CBFA2T2: variants seen among roughly 807,000 people sequenced by gnomAD.
The protein encoded by CBFA2T2 is CBFA2/RUNX1 partner transcriptional co-repressor 2.
Under a neutral mutation model 62.2 loss-of-function variants are expected in CBFA2T2, and 11 were observed. The ratio of observed to expected loss-of-function variants is 0.18; its 90% CI spans 0.11 to 0.29. The LOEUF (loss-of-function observed/expected upper bound fraction) is 0.29, where lower values mean the gene tolerates loss of function less well. Among genes scored for constraint, CBFA2T2 ranks in the 10% least tolerant of loss-of-function variants. CBFA2T2 has a pLI of 1.00. For synonymous variants in CBFA2T2, 295 were observed against 287.5 expected (o/e 1.03, Z -0.27); for missense variants, 592 against 774.1 (o/e 0.76, Z 2.79).
In CBFA2T2 at chr20:33,606,948, C is replaced by G; in HGVS notation, c.35-8C>G. ...AACCCTAACCTCCATTTCTCTGATT[C>G]TCTGCAGTTGGTCCTGAGAAAAGGG... On this transcript the variant is annotated splice_region_variant and splice_polypyrimidine_tract_variant and intron_variant, in intron 1 of 10. Transcript: ENST00000342704. 1.9e-6 allele frequency: 3 copies of G among 1,611,752 alleles called. No individual in the cohort carries two copies. The highest frequency in any genetic ancestry group is 2.5e-6 in the Non-Finnish European group (3 of 1,178,746).
At chr20:33,542,442 T>C (rs1000885617) in intron 1 of CBFA2T2, among the ~76,000 whole-genome samples, 16 of 152,154 alleles carry the variant, frequency 1.1e-4, no homozygotes, top group African/African-American at 3.6e-4. Flanking sequence ...GTTTTAAATT[T>C]TTTTTTATTA....
chr20:33,580,680 G>A (rs1357903490), intron 1 of CBFA2T2, among the ~76,000 whole-genome samples: 1 of 152,044 alleles, frequency 6.6e-6, no homozygotes, highest in Non-Finnish European at 1.5e-5. Context: ...GCAATACCCT[G>A]TCTCTACAAA....
At chr20:33,596,966 C>T (rs2014921929) in intron 1 of CBFA2T2, among the ~76,000 whole-genome samples, 1 of 146,522 alleles carries the variant, frequency 6.8e-6, no homozygotes, top group South Asian at 2.3e-4. Flanking sequence ...CATCTGTCAA[C>T]CAGGCTAGAG....
chr20:33,615,112 A>G (rs2015660208), intron 3 of CBFA2T2, among the ~76,000 whole-genome samples: 1 of 152,172 alleles, frequency 6.6e-6, no homozygotes, highest in Non-Finnish European at 1.5e-5. Flanking sequence ...CAGGAGGATC[A>G]CTTTGGTCCA....
chr20:33,608,921 G>A (rs1295224592), intron 2 of CBFA2T2, among the ~76,000 whole-genome samples: 1 of 152,134 alleles, frequency 6.6e-6, no homozygotes, highest in East Asian at 1.9e-4. Flanking sequence ...GCAGACTATT[G>A]CAACTAATTT....
chr20:33,544,691 C>T (rs935975951), intron 1 of CBFA2T2, among the ~76,000 whole-genome samples: 1 of 151,994 alleles, frequency 6.6e-6, no homozygotes, highest in African/African-American at 2.4e-5. Context: ...GGATTACAGG[C>T]ACCTGCCGCC....
At chr20:33,582,170 G>T (rs1282608022) in intron 1 of CBFA2T2, among the ~76,000 whole-genome samples, 1 of 152,112 alleles carries the variant, frequency 6.6e-6, no homozygotes, top group Non-Finnish European at 1.5e-5. Context: ...CAGTGCTTGG[G>T]TCATGTTAGC....
intron 1 of CBFA2T2, among the ~76,000 whole-genome samples, chr20:33,592,376 A>T (rs1004898220): frequency 2.4e-5 from 3 of 122,710 alleles, no homozygotes; most frequent in African/African-American, 6.7e-5. Flanking sequence ...AAAAAATTTT[A>T]TATATATATA....
At chr20:33,524,062 T>G (rs115039490) in intron 1 of CBFA2T2, among the ~76,000 whole-genome samples, 2,671 of 152,170 alleles carry the variant, frequency 0.018, 52 homozygotes, top group African/African-American at 0.053. Context: ...GTTTTTTGGG[T>G]TTTTTTGTCC....
intron 1 of CBFA2T2, among the ~76,000 whole-genome samples, chr20:33,500,807 T>C (rs2011267254): frequency 6.6e-6 from 1 of 152,164 alleles, no homozygotes; most frequent in African/African-American, 2.4e-5. Flanking sequence ...GTATCCTAAG[T>C]TGGCCTTAGA....
chr20:33,556,299 C>T (rs895660437), intron 1 of CBFA2T2, among the ~76,000 whole-genome samples: 3 of 152,074 alleles, frequency 2.0e-5, no homozygotes, highest in Admixed American at 1.3e-4. Flanking sequence ...GTTTCGTTGC[C>T]GTTACCTTAT....
intron 1 of CBFA2T2, among the ~76,000 whole-genome samples, chr20:33,582,548 C>T (rs540481002): frequency 1.1e-4 from 17 of 151,938 alleles, no homozygotes; most frequent in Admixed American, 7.9e-4. Flanking sequence ...AGGCCGGGCG[C>T]GGTGGCGTAC....
chr20:33,636,914 G>C (rs529788088), intron 9 of CBFA2T2, among the ~76,000 whole-genome samples: 20 of 152,292 alleles, frequency 1.3e-4, no homozygotes, highest in Admixed American at 1.2e-3. Flanking sequence ...TCAGGAGTTT[G>C]GAATAGCTCC....
At chr20:33,586,456 A>G (rs903826170) in intron 1 of CBFA2T2, among the ~76,000 whole-genome samples, 1 of 152,112 alleles carries the variant, frequency 6.6e-6, no homozygotes, top group Non-Finnish European at 1.5e-5. Context: ...TATCTCGGTT[A>G]TAGACATAGG....
chr20:33,515,037 G>A (rs1237489852), intron 1 of CBFA2T2, among the ~76,000 whole-genome samples: 5 of 151,608 alleles, frequency 3.3e-5, no homozygotes, highest in Non-Finnish European at 5.9e-5. Context: ...CAAGGGAGGA[G>A]GTAGGAATGT....
At chr20:33,497,008 T>C (rs2011207016) in intron 1 of CBFA2T2, among the ~76,000 whole-genome samples, 1 of 152,118 alleles carries the variant, frequency 6.6e-6, no homozygotes, top group Non-Finnish European at 1.5e-5. Flanking sequence ...GTGCGGTGGC[T>C]CATGCCTGTA....
Position 33,644,817 on chromosome 20 carries a change from T to G in CBFA2T2, c.*171T>G, listed in dbSNP as rs1208025828. The stretch of plus-strand genomic sequence containing the variant: ...ACACCCCACAGCCTCTCTGTGCACT[T>G]GCTGTCTGCGGAGCCAGTGTGCCAT... On this transcript the variant is annotated 3_prime_UTR_variant, in exon 11 of 11. Transcript: ENST00000342704. 2.9e-6 allele frequency: 2 copies of G among 691,592 alleles called. No homozygotes were observed. The highest frequency in any genetic ancestry group is 4.7e-6 in the Non-Finnish European group (2 of 425,538). The allele number at this position is 691,592 out of a possible 1,614,324, so 42.8% of individuals were successfully genotyped here.
intron 1 of CBFA2T2, among the ~76,000 whole-genome samples, chr20:33,515,505 A>G (rs907188361): frequency 6.6e-6 from 1 of 152,014 alleles, no homozygotes; most frequent in Admixed American, 6.6e-5. Flanking sequence ...TTCTGCATTG[A>G]CACTATAGTT....
At chr20:33,628,767 C>T (rs2016344775) in intron 7 of CBFA2T2, among the ~76,000 whole-genome samples, 1 of 152,212 alleles carries the variant, frequency 6.6e-6, no homozygotes, top group African/African-American at 2.4e-5. Flanking sequence ...CCGCACTCAG[C>T]CTACTTAATG....
Sources: gnomAD v4.1 joint callset for allele counts (sites outside exome capture counted in the v4.1 genomes callset) on GRCh38, gnomAD v4.1.1 for gene constraint, MANE v1.5 for transcripts, NCBI Gene and HGNC (gene_info 2026-07-23, HGNC 2026-07-21) for gene names.